Variants in DTX2 observed in about 807,000 individuals in gnomAD.
DTX2 encodes the protein deltex E3 ubiquitin ligase 2.
A neutral mutation model predicts 55.3 loss-of-function variants in DTX2; 29 were observed. The ratio of observed to expected loss-of-function variants is 0.52; its 90% CI spans 0.39 to 0.71. The LOEUF (loss-of-function observed/expected upper bound fraction) is 0.71. Ranked by LOEUF, DTX2 falls within the 30% of genes least tolerant of loss-of-function variation. The probability of loss-of-function intolerance (pLI) is 0.00; values close to 1 mark genes in which losing one functional copy is unlikely to be tolerated. For missense variants in DTX2, 537 were observed against 822.5 expected, an observed-to-expected ratio of 0.65 and a Z score of 4.25; for synonymous variants, 276 against 340.4, an observed-to-expected ratio of 0.81 and a Z score of 2.08.
intron 4 of DTX2, among the ~76,000 whole-genome samples, chr7:76,491,019 CTG>C (rs1411156553): frequency 1.1e-4 from 5 of 45,212 alleles, no homozygotes; most frequent in African/African-American, 6.1e-4. Context: ...TTTTTTGAGA[CTG>C]AGTTTCTCTC....
At chr7:76,471,592 G>A (rs1330383443) in intron 2 of DTX2, among the ~76,000 whole-genome samples, 1 of 150,996 alleles carries the variant, frequency 6.6e-6, no homozygotes. Context: ...GTAGTGGCAC[G>A]ATCATAGCTC....
chr7:76,505,737 G>T lies in DTX2; in HGVS notation c.*136G>T. Reference sequence around the variant, plus strand: ...GTGGGGTGTGCCCCACCTGAAGCCGGGGCTCCCCCTGCCTGCCTCTCTCTC... The same window carrying T: ...GTGGGGTGTGCCCCACCTGAAGCCGTGGCTCCCCCTGCCTGCCTCTCTCTC... On this transcript the variant is annotated 3_prime_UTR_variant, in exon 11 of 11. Transcript: ENST00000430490. The surrounding 1 kb of genome is among the most constrained non-coding windows in gnomAD (Gnocchi z 4.4). 1 of 916,432 alleles carries T rather than the reference G, an allele frequency of 1.1e-6. No homozygotes were observed. 56.8% of individuals were successfully genotyped at this position (916,432 alleles called of 1,614,324 possible).
chr7:76,488,283 G>A lies in DTX2; in HGVS notation c.909-3870G>A, dbSNP rs1157656151. Among the ~76,000 whole-genome samples, 98 of 70,144 alleles carry A rather than the reference G, an allele frequency of 1.4e-3. No individual in the cohort carries two copies. In the East Asian group the frequency reaches 0.015, roughly 11 times the overall value. 46.0% of individuals were successfully genotyped at this position (70,144 alleles called of 152,430 possible). A position where few individuals can be genotyped will look rare whatever the true frequency, so the allele number is the denominator to read the frequency against. ...TTTAGGAACGGAAGCAAACGTTCTCGTTCAGATATGTGCCTCTCCCTGGTG... is the reference window on the plus strand; with the variant it reads ...TTTAGGAACGGAAGCAAACGTTCTCATTCAGATATGTGCCTCTCCCTGGTG... On this transcript the variant is annotated intron_variant, in intron 4 of 10. Coordinates refer to ENST00000430490, the MANE Select transcript of DTX2 (RefSeq NM_001102594.3).
intron 2 of DTX2, among the ~76,000 whole-genome samples, chr7:76,479,716 T>C (rs550530960): frequency 6.8e-6 from 1 of 147,322 alleles, no homozygotes; most frequent in African/African-American, 2.5e-5. Context: ...ACCCGGGAGG[T>C]GGAGGTTGCA....
At chr7:76,464,181 C>G (rs1398223852) in intron 2 of DTX2, among the ~76,000 whole-genome samples, 1 of 151,842 alleles carries the variant, frequency 6.6e-6, no homozygotes, top group African/African-American at 2.4e-5. Context: ...AGGAAGGCTC[C>G]TGGAAGGTGG....
intron 3 of DTX2, among the ~76,000 whole-genome samples, chr7:76,481,318 C>A (rs927660491): frequency 1.3e-5 from 2 of 152,036 alleles, no homozygotes; most frequent in African/African-American, 4.8e-5. Context: ...TCCCGAGTAG[C>A]TGGGATTATA....
rs373645575 is a variant in DTX2 at position 76,503,020 on chromosome 7, C to A, written c.1390-406C>A. On this transcript the variant is annotated intron_variant, in intron 8 of 10. Transcript: ENST00000430490. ...AGGCGGGATGGGCAGAGTTTAGAGG[C>A]TTAGAGAACCGAGTCATGTGGCGCA... 18 of 240,812 alleles carry A rather than the reference C, an allele frequency of 7.5e-5. No individual in the cohort carries two copies. In the East Asian group the frequency reaches 1.7e-3, roughly 22 times the overall value. 14.9% of individuals were successfully genotyped at this position (240,812 alleles called of 1,614,324 possible).
rs149711050 is a variant in DTX2 at position 76,501,529 on chromosome 7, C to G, written c.1231-769C>G. 9.2e-4 allele frequency among the ~76,000 whole-genome samples: 140 copies of G among 151,634 alleles called. 1 individual carries two copies. The East Asian group carries it at 0.027, about 29-fold the overall frequency. ...TGCCTGGAACCGCCAGCAGGACCCC[C>G]AACTCACACACAGCCCCAAGCCCCT... is the stretch of plus-strand genomic sequence containing the variant. On this transcript the variant is annotated intron_variant, in intron 7 of 10. Transcript: ENST00000430490.
intron 2 of DTX2, chr7:76,472,038 G>A (rs1014552096): frequency 2.7e-5 from 4 of 149,024 alleles, no homozygotes; most frequent in African/African-American, 1.0e-4. Context: ...AGTAAGACGT[G>A]GGAGGCACTG....
intron 2 of DTX2, among the ~76,000 whole-genome samples, chr7:76,468,447 CATTTTTT>C (rs1348473631): frequency 0.017 from 1,343 of 77,506 alleles, 3 homozygotes; most frequent in African/African-American, 0.058. Context: ...GGCCCACTGC[CATTTTTT>C]TTTTTTTTTT....
intron 2 of DTX2, among the ~76,000 whole-genome samples, chr7:76,475,692 A>T (rs550380032): frequency 4.5e-5 from 5 of 110,444 alleles, no homozygotes; most frequent in Non-Finnish European, 7.9e-5. Context: ...TCTCAAAAAT[A>T]AAAAAAAAGA....
At chr7:76,472,792 CAA>C (rs1808096276) in intron 2 of DTX2, among the ~76,000 whole-genome samples, 1 of 152,066 alleles carries the variant, frequency 6.6e-6, no homozygotes, top group South Asian at 2.1e-4. Flanking sequence ...TTTCTCCACT[CAA>C]AGACAGCTGT....
intron 7 of DTX2, among the ~76,000 whole-genome samples, chr7:76,500,736 C>T (rs1192835423): frequency 1.3e-5 from 2 of 151,574 alleles, no homozygotes; most frequent in African/African-American, 4.9e-5. Context: ...CTGAGCAAAG[C>T]CCCTCCTCTC....
rs769574745 is a variant in DTX2, at chr7:76,480,569, C to G, written c.60C>G (p.Ala20=). ...VQVYTSPAAV[A]VWEWQDGLGT... Reference sequence around the variant, plus strand: ...TGTACACCAGCCCCGCGGCTGTGGCCGTGTGGGAATGGCAGGACGGGCTGG... The same window carrying G: ...TGTACACCAGCCCCGCGGCTGTGGCGGTGTGGGAATGGCAGGACGGGCTGG... The change falls in exon 3 of 11, where the codon GCC becomes GCG. Residue 20 remains alanine (A), a synonymous_variant. Transcript: ENST00000430490. The G allele has an allele frequency of 1.9e-6, 3 of 1,612,626 alleles. No individual in the cohort carries two copies. Among genetic ancestry groups the G allele is most frequent in the Non-Finnish European group, 2.5e-6 (3 of 1,179,992 alleles).
intron 3 of DTX2, among the ~76,000 whole-genome samples, chr7:76,481,838 T>G (rs1394080289): frequency 1.6e-5 from 2 of 125,920 alleles, no homozygotes; most frequent in Non-Finnish European, 3.3e-5. Context: ...AGTATGGGTT[T>G]TTTTTTTTCG....
chr7:76,480,529 C>G lies in DTX2; in HGVS notation c.20C>G (p.Pro7Arg). 6.2e-7 allele frequency: 1 copy of G among 1,607,424 alleles called. No individual in the cohort carries two copies. The highest frequency in any genetic ancestry group is 8.5e-7 in the Non-Finnish European group (1 of 1,177,094). The change falls in exon 3 of 11, where the codon CCT (proline) becomes CGT (arginine). Residue 7 changes from proline (P) to arginine (R), a missense_variant. Physicochemically the swap from Pro to Arg is moderately radical, Grantham distance 103. Transcript: ENST00000430490. MAMAPS[P>R]SLVQVYTSPA... Reference sequence around the variant, plus strand: ...GGGAAGATGGCCATGGCCCCAAGCCCTTCCCTGGTGCAGGTGTACACCAGC... The same window carrying G: ...GGGAAGATGGCCATGGCCCCAAGCCGTTCCCTGGTGCAGGTGTACACCAGC...
chr7:76,469,045 G>T (rs1286654322), intron 2 of DTX2, among the ~76,000 whole-genome samples: 1 of 123,948 alleles, frequency 8.1e-6, no homozygotes, highest in East Asian at 2.5e-4. Flanking sequence ...GATTACAGGC[G>T]TGAGCTACCG....
In DTX2 at chr7:76,482,559, G is replaced by A. The variant is rs1465045753; in HGVS notation, c.320G>A (p.Gly107Asp). 2 of 1,612,700 alleles carry A rather than the reference G, an allele frequency of 1.2e-6. No individual in the cohort carries two copies. The highest frequency in any genetic ancestry group is 1.3e-5 in the African/African-American group (1 of 74,882). The change falls in exon 4 of 11, where the codon GGC becomes GAC. Residue 107 changes from glycine (G) to aspartate (D), a missense_variant. Coordinates refer to ENST00000430490, the MANE Select transcript of DTX2 (RefSeq NM_001102594.3). ...RHLFPQHSAP[G>D]RGVVWEWLSD... ...CTGTTCCCCCAGCACTCAGCCCCTG[G>A]CCGAGGTGTCGTCTGGGAGTGGCTG...
chr7:76,486,887 C>CTGCTGCTGCTTTTG (rs1563742121), intron 4 of DTX2, among the ~76,000 whole-genome samples: 2 of 151,412 alleles, frequency 1.3e-5, no homozygotes, highest in Non-Finnish European at 2.9e-5. Flanking sequence ...GCTGCTGCTG[C>CTGCTGCTGCTTTTG]CCTTGCCTCT....
Sources: gnomAD v4.1 joint callset for allele counts (sites outside exome capture counted in the v4.1 genomes callset) on GRCh38, gnomAD v4.1.1 for gene constraint, Gnocchi (gnomAD v3.1) non-coding constraint, MANE v1.5 for transcripts, NCBI Gene and HGNC (gene_info 2026-07-23, HGNC 2026-07-21) for gene names.